PLOD1: variants seen among roughly 807,000 people sequenced by gnomAD.
PLOD1 encodes the protein lysine hydroxylase.
In PLOD1, 70 loss-of-function variants were observed where a neutral mutation model predicts 94.7. The ratio of observed to expected loss-of-function variants is 0.74; its 90% CI spans 0.61 to 0.90. The LOEUF (loss-of-function observed/expected upper bound fraction) is 0.90. Ranked by LOEUF, PLOD1 falls within the 40% of genes least tolerant of loss-of-function variation. The pLI, the probability that PLOD1 is intolerant of heterozygous loss-of-function variation, is 0.00. For missense variants in PLOD1, 905 were observed against 972.7 expected, an observed-to-expected ratio of 0.93 and a Z score of 0.93; for synonymous variants, 417 against 400.2, an observed-to-expected ratio of 1.04 and a Z score of -0.50.
At position 11,974,681 on chromosome 1, in the gene PLOD1, A is replaced by G. The variant is rs747393648; in HGVS notation, c.2057A>G (p.Asn686Ser). 12 of 1,613,522 alleles carry G rather than the reference A, an allele frequency of 7.4e-6. No homozygotes were observed. The East Asian group carries it at 1.3e-4, about 18-fold the overall frequency. The change falls in exon 19 of 19, where the codon AAC (asparagine) becomes AGC (serine). Residue 686 changes from asparagine (N) to serine (S), a missense_variant. Physicochemically the swap from Asn to Ser is conservative, Grantham distance 46 (BLOSUM62 1). Transcript: ENST00000196061. The part of the protein sequence containing the change: ...EGGGCRFLRY[N>S]CSIRAPRKGW... ...GGGGGCTGTCGGTTCCTGCGCTACAACTGTTCCATCCGAGCCCCAAGGAAG... is the reference window on the plus strand; with the variant it reads ...GGGGGCTGTCGGTTCCTGCGCTACAGCTGTTCCATCCGAGCCCCAAGGAAG...
At position 11,975,309 on chromosome 1, in the gene PLOD1, C is replaced by G. The variant is rs961858956; in HGVS notation, c.*501C>G. 4.2e-6 allele frequency: 1 copy of G among 239,854 alleles called. No homozygotes were observed. The highest frequency in any genetic ancestry group is 2.2e-5 in the African/African-American group (1 of 44,704). 14.9% of individuals were successfully genotyped at this position (239,854 alleles called of 1,614,324 possible). ...GCTGCCCTGAGTCTGGGACTTCTGC[C>G]TCCATGGCTGGTCATGAGAGCAAAC... is the stretch of plus-strand genomic sequence containing the variant. On this transcript the variant is annotated 3_prime_UTR_variant, in exon 19 of 19. Transcript: ENST00000196061.
At chr1:11,965,851 A>T (rs2100759622) in intron 14 of PLOD1, among the ~76,000 whole-genome samples, 2 of 152,196 alleles carry the variant, frequency 1.3e-5, no homozygotes, top group Middle Eastern at 6.8e-3. Context: ...ATCATCTGGG[A>T]CTTAGTTGAG....
chr1:11,935,548 G>A (rs1381614128), intron 1 of PLOD1, among the ~76,000 whole-genome samples: 1 of 151,408 alleles, frequency 6.6e-6, no homozygotes, highest in Admixed American at 6.6e-5. Flanking sequence ...TTGAGACAGA[G>A]TCTTGCTCTG....
chr1:11,974,014 G>C (rs551919245), intron 18 of PLOD1, among the ~76,000 whole-genome samples: 13 of 152,112 alleles, frequency 8.5e-5, no homozygotes, highest in Non-Finnish European at 1.5e-4. Context: ...GTGAGGTTGG[G>C]AAGCTTGATC....
intron 10 of PLOD1, among the ~76,000 whole-genome samples, chr1:11,962,121 G>A (rs1437375676): frequency 6.6e-6 from 1 of 151,782 alleles, no homozygotes; most frequent in Admixed American, 6.6e-5. Flanking sequence ...GTAGAGACAG[G>A]ATCTTGCTAT....
rs531664511 is a variant in PLOD1 at position 11,967,658 on chromosome 1, A to ATATT, written c.1755+568_1755+569insATTT. ...ATTTTATTTATATATATATATATAT[A>ATATT]TTTTTTTTAAATAATAGAGACGGGG... On this transcript the variant is annotated intron_variant, in intron 16 of 18. Transcript: ENST00000196061. Among the ~76,000 whole-genome samples, 281 of 108,864 alleles carry ATATT rather than the reference A, an allele frequency of 2.6e-3. 1 individual carries two copies. The highest frequency in any genetic ancestry group is 4.5e-3 in the Middle Eastern group (1 of 220). The allele number at this position is 108,864 out of a possible 152,430, so 71.4% of individuals were successfully genotyped here.
In PLOD1 at chr1:11,957,009, A is replaced by G; in HGVS notation, c.736A>G (p.Thr246Ala). Residue 246 changes from threonine to alanine, a missense_variant, in exon 7 of 19, where the codon ACC (threonine) becomes GCC (alanine). Transcript: ENST00000196061. This position sits in a 1 kb window ranked among gnomAD's most constrained non-coding sequence, Gnocchi z 4.1. ...GGTCCTGATCCATGGCAACGGGCCAACCAAGGTAGGGGGTCCCCAGCCCCT... is the reference window on the plus strand; with the variant it reads ...GGTCCTGATCCATGGCAACGGGCCAGCCAAGGTAGGGGGTCCCCAGCCCCT... ...LPVLIHGNGPTKLQLNYLGNY... is the reference protein window; with the variant it reads ...LPVLIHGNGPAKLQLNYLGNY... 6.2e-7 allele frequency: 1 copy of G among 1,609,340 alleles called. No homozygotes were observed. Among genetic ancestry groups the G allele is most frequent in the Non-Finnish European group, 8.5e-7 (1 of 1,175,668 alleles).
chr1:11,957,163 C>T lies in PLOD1; in HGVS notation c.741+149C>T. 1 of 769,330 alleles carries T rather than the reference C, an allele frequency of 1.3e-6. No homozygotes were observed. 47.7% of individuals were successfully genotyped at this position (769,330 alleles called of 1,614,324 possible). Reference sequence around the variant, plus strand: ...CTGCCTCTGTCCTCACATCTGAGCTCAGCGTGATGCCTTCTTTTCCTGCTG... The same window carrying T: ...CTGCCTCTGTCCTCACATCTGAGCTTAGCGTGATGCCTTCTTTTCCTGCTG... On this transcript the variant is annotated intron_variant, in intron 7 of 18. Coordinates refer to ENST00000196061, the MANE Select transcript of PLOD1 (RefSeq NM_000302.4). This position sits in a 1 kb window ranked among gnomAD's most constrained non-coding sequence, Gnocchi z 4.1.
At position 11,960,627 on chromosome 1, in the gene PLOD1, TC is replaced by T; in HGVS notation, c.976-15del. On this transcript the variant is annotated intron_variant, in intron 9 of 18. Coordinates refer to ENST00000196061, the MANE Select transcript of PLOD1 (RefSeq NM_000302.4). ...CCTCCTCCTCACCCCCGCATCCCCT[TC>T]CCCATCCCCAACCCCAGGAGCAGCA... 6.4e-7 allele frequency: 1 copy of T among 1,550,490 alleles called. No homozygotes were observed. The highest frequency in any genetic ancestry group is 8.9e-7 in the Non-Finnish European group (1 of 1,124,852).
At chr1:11,949,653 C>G (rs894693033) in intron 2 of PLOD1, 120 bp from the exon 3 acceptor site, 2 of 954,684 alleles carry the variant, frequency 2.1e-6, no homozygotes, top group Admixed American at 4.2e-5. Flanking sequence ...TTCCTGACCT[C>G]AGGTGGTCCA....
rs1645686634 is a variant in PLOD1 at position 11,949,866 on chromosome 1, C to G, written c.262C>G (p.His88Asp). 1.9e-6 allele frequency: 3 copies of G among 1,614,100 alleles called. No homozygotes were observed. Among genetic ancestry groups the G allele is most frequent in the Non-Finnish European group, 2.5e-6 (3 of 1,179,956 alleles). The change falls in exon 3 of 19, where the codon CAC becomes GAC. Residue 88 changes from histidine (H) to aspartate (D), a missense_variant. His to Asp is a moderately conservative substitution (Grantham distance 81). Coordinates refer to ENST00000196061, the MANE Select transcript of PLOD1 (RefSeq NM_000302.4). ...GCTGCTGAAGAAAGCTCTGGAGAAG[C>G]ACGCAGACAAGGAGGATCTGGTCAT... ...VRLLKKALEK[H>D]ADKEDLVILF...
intron 1 of PLOD1, among the ~76,000 whole-genome samples, chr1:11,935,621 A>T (rs1451651470): frequency 6.7e-6 from 1 of 148,910 alleles, no homozygotes; most frequent in African/African-American, 2.4e-5. Flanking sequence ...CCCAGGTAAA[A>T]GCAATTCTTT....
At position 11,963,032 on chromosome 1, in the gene PLOD1, C is replaced by T. The variant is rs148403428; in HGVS notation, c.1098-500C>T. Among the ~76,000 whole-genome samples, 25 of 151,678 alleles carry T rather than the reference C, an allele frequency of 1.6e-4. No homozygotes were observed. Among genetic ancestry groups the T allele is most frequent in the African/African-American group, 4.8e-4 (20 of 41,332 alleles). ...TTCCAGCCTGGGCAACAGAGTGAGA[C>T]TCGTTCTCAAAAAAATAAAATAAAA... On this transcript the variant is annotated intron_variant, in intron 10 of 18. Coordinates refer to ENST00000196061, the MANE Select transcript of PLOD1 (RefSeq NM_000302.4). The surrounding 1 kb of genome is among the most constrained non-coding windows in gnomAD (Gnocchi z 4.3).
Position 11,963,513 on chromosome 1 carries a change from T to G in PLOD1, c.1098-19T>G. The G allele has an allele frequency of 6.5e-7, 1 of 1,538,544 alleles. No homozygotes were observed. The highest frequency in any genetic ancestry group is 8.9e-7 in the Non-Finnish European group (1 of 1,125,146). On this transcript the variant is annotated intron_variant, in intron 10 of 18. Transcript: ENST00000196061. The surrounding 1 kb of genome is among the most constrained non-coding windows in gnomAD (Gnocchi z 4.3). ...GCTCCAGGATCAGGTGCACTGACCC[T>G]GTGTCCTCCTCCTTGCAGAGACCTG...
Position 11,934,732 on chromosome 1 carries a change from G to A in PLOD1, c.-48G>A. On this transcript the variant is annotated 5_prime_UTR_variant, in exon 1 of 19. Transcript: ENST00000196061. ...CTGCGGCCCCGTCGCGAAGTTTCCA[G>A]CCCTGCGAGCGCCGCCGGGTCGGCC... 2 of 1,517,266 alleles carry A rather than the reference G, an allele frequency of 1.3e-6. No individual in the cohort carries two copies. Among genetic ancestry groups the A allele is most frequent in the Non-Finnish European group, 1.8e-6 (2 of 1,139,702 alleles). The allele number at this position is 1,517,266 out of a possible 1,614,324, so 94.0% of individuals were successfully genotyped here. A position where few individuals can be genotyped will look rare whatever the true frequency, so the allele number is the denominator to read the frequency against.
At chr1:11,940,434 C>A (rs957964657) in intron 1 of PLOD1, among the ~76,000 whole-genome samples, 2 of 152,196 alleles carry the variant, frequency 1.3e-5, no homozygotes, top group Non-Finnish European at 2.9e-5. Context: ...AGAACCCCCC[C>A]GCAGCTACCA....
In PLOD1 at chr1:11,952,726, G is replaced by A. The variant is rs776173072; in HGVS notation, c.570G>A (p.Pro190=). 37 of 1,610,110 alleles carry A rather than the reference G, an allele frequency of 2.3e-5. No homozygotes were observed. Among genetic ancestry groups the A allele is most frequent in the Admixed American group, 5.0e-5 (3 of 59,974 alleles). ...QLFYTKIFLD[P]EKREQINITL... is the part of the protein sequence containing the mutation. ...TTTACACCAAGATCTTCTTGGACCC[G>A]GAGAAGAGGGTAAGAGGCAGTGGGC... is the stretch of plus-strand genomic sequence containing the variant. Residue 190 remains proline (P), a synonymous_variant, in exon 5 of 19, where the codon CCG becomes CCA. Coordinates refer to ENST00000196061, the MANE Select transcript of PLOD1 (RefSeq NM_000302.4).
intron 12 of PLOD1, 29 bp from the exon 13 acceptor site, chr1:11,964,615 C>T (rs1184840740): frequency 6.2e-7 from 1 of 1,611,570 alleles, no homozygotes; most frequent in South Asian, 1.1e-5. Flanking sequence ...CAGCCTCTGA[C>T]CCCCACCCGC....
chr1:11,945,831 C>A (rs1645650474), intron 1 of PLOD1, among the ~76,000 whole-genome samples: 1 of 152,176 alleles, frequency 6.6e-6, no homozygotes, highest in South Asian at 2.1e-4. Context: ...GTCTCAGCCT[C>A]CCAAGTAGCT....
Sources: allele counts gnomAD v4.1 joint callset (sites outside exome capture counted in the v4.1 genomes callset), GRCh38; gene constraint gnomAD v4.1.1; non-coding constraint Gnocchi (gnomAD v3.1); transcripts MANE v1.5; gene names NCBI Gene and HGNC (gene_info 2026-07-23, HGNC 2026-07-21).